SEL1L: variants seen among roughly 807,000 people sequenced by gnomAD.
SEL1L encodes the protein protein sel-1 homolog 1.
A neutral mutation model predicts 109.8 loss-of-function variants in SEL1L; 52 were observed. The ratio of observed to expected loss-of-function variants is 0.47; its 90% confidence interval spans 0.38 to 0.60. SEL1L has a LOEUF of 0.60. Ranked by LOEUF, SEL1L falls within the 20% of genes least tolerant of loss-of-function variation. The pLI, the probability that SEL1L is intolerant of heterozygous loss-of-function variation, is 0.00. For synonymous variants in SEL1L, 373 were observed against 339.6 expected (o/e 1.10, Z -1.08); for missense variants, 749 against 962.2 (o/e 0.78, Z 2.93).
chr14:81,512,314 C>T (rs559583904), intron 3 of SEL1L, among the ~76,000 whole-genome samples: 1 of 152,292 alleles, frequency 6.6e-6, no homozygotes, highest in African/African-American at 2.4e-5. Context: ...AGAACTGTGA[C>T]TAATACAGGA....
intron 8 of SEL1L, 28 bp from the exon 9 acceptor site, chr14:81,498,522 A>T: frequency 6.4e-7 from 1 of 1,551,538 alleles, no homozygotes; most frequent in Non-Finnish European, 8.9e-7. Context: ...GTGAGGAGGC[A>T]GCAGTTTCAT....
At position 81,476,187 on chromosome 14, in the gene SEL1L, T is replaced by A. The variant is rs182488191; in HGVS notation, c.*785A>T. On this transcript the variant is annotated 3_prime_UTR_variant, in exon 21 of 21. Transcript: ENST00000336735. Reference sequence around the variant, plus strand: ...GCTTCTGGATCAAGGCTCTGTATATTCAAAACAAACAAGCAAATTACAGAG... The same window carrying A: ...GCTTCTGGATCAAGGCTCTGTATATACAAAACAAACAAGCAAATTACAGAG... 6.6e-6 allele frequency: 1 copy of A among 152,174 alleles called. No homozygotes were observed. Among genetic ancestry groups the A allele is most frequent in the Non-Finnish European group, 1.5e-5 (1 of 68,042 alleles). 9.4% of individuals were successfully genotyped at this position (152,174 alleles called of 1,614,324 possible). A position where few individuals can be genotyped will look rare whatever the true frequency, so the allele number is the denominator to read the frequency against.
At chr14:81,489,207 C>T in intron 14 of SEL1L, 45 bp downstream of exon 14, 2 of 1,542,466 alleles carry the variant, frequency 1.3e-6, no homozygotes, top group Non-Finnish European at 1.8e-6. Context: ...CCTACCTCTC[C>T]AGCTGACTGC....
At position 81,483,997 on chromosome 14, in the gene SEL1L, G is replaced by A. The variant is rs532693732; in HGVS notation, c.2046+228C>T. Among the ~76,000 whole-genome samples, 11 of 152,334 alleles carry A rather than the reference G, an allele frequency of 7.2e-5. No homozygotes were observed. In the East Asian group the frequency reaches 2.1e-3, roughly 29 times the overall value. On this transcript the variant is annotated intron_variant, in intron 19 of 20. Transcript: ENST00000336735. ...AAGCACTGCACTTCCATTTTCATGAGTCTGTCTTCAGCTTAATCCCTAAAT... is the reference window on the plus strand; with the variant it reads ...AAGCACTGCACTTCCATTTTCATGAATCTGTCTTCAGCTTAATCCCTAAAT...
chr14:81,497,957 T>C lies in SEL1L; in HGVS notation c.1063A>G (p.Met355Val). Reference protein sequence around the residue: ...EVENPGMNSGMLEEDLIQYYQ... With the variant: ...EVENPGMNSGVLEEDLIQYYQ... The stretch of plus-strand genomic sequence containing the variant: ...TATTGAATCAAATCTTCTTCTAGCA[T>C]TCCACTGTTCATTCCTGGATTTTCC... The change falls in exon 10 of 21, where the codon ATG becomes GTG. Residue 355 changes from methionine (M) to valine (V), a missense_variant. Physicochemically the swap from Met to Val is conservative, Grantham distance 21. This residue lies in a region of SEL1L where 383 missense variants were observed against 562.5 expected (regional missense o/e 0.68). Transcript: ENST00000336735. 6.2e-7 allele frequency: 1 copy of C among 1,614,060 alleles called. No homozygotes were observed. Among genetic ancestry groups the C allele is most frequent in the Non-Finnish European group, 8.5e-7 (1 of 1,179,904 alleles).
intron 3 of SEL1L, among the ~76,000 whole-genome samples, chr14:81,507,601 A>T (rs914607002): frequency 7.6e-6 from 1 of 130,772 alleles, no homozygotes; most frequent in African/African-American, 4.5e-5. Context: ...AAACCCACAC[A>T]AAAAAAACAG....
intron 6 of SEL1L, among the ~76,000 whole-genome samples, chr14:81,499,902 G>C (rs1338871874): frequency 7.0e-6 from 1 of 142,616 alleles, no homozygotes; most frequent in Non-Finnish European, 1.5e-5. Context: ...TTTATTTGTG[G>C]CTTTTTTTTT....
At chr14:81,525,519 C>A (rs1885078319) in intron 3 of SEL1L, among the ~76,000 whole-genome samples, 2 of 148,592 alleles carry the variant, frequency 1.3e-5, no homozygotes, top group Non-Finnish European at 3.0e-5. Flanking sequence ...GGGTGAGGTA[C>A]AGGGAAAGAG....
chr14:81,499,903 CTTTTT>C (rs67769195), intron 6 of SEL1L, among the ~76,000 whole-genome samples: 1 of 119,202 alleles, frequency 8.4e-6, no homozygotes, highest in Non-Finnish European at 1.8e-5. Context: ...TTATTTGTGG[CTTTTT>C]TTTTTTTTTT....
At chr14:81,520,818 ATATCACATACACTATG>A (rs1884877952) in intron 3 of SEL1L, among the ~76,000 whole-genome samples, 1 of 152,200 alleles carries the variant, frequency 6.6e-6, no homozygotes, top group Non-Finnish European at 1.5e-5. Flanking sequence ...TCTCTAGAAA[ATATCACATACACTATG>A]TAATTATCAA....
intron 10 of SEL1L, among the ~76,000 whole-genome samples, chr14:81,496,893 G>T (rs375263344): frequency 8.1e-4 from 123 of 152,258 alleles, no homozygotes; most frequent in African/African-American, 2.9e-3. Flanking sequence ...TCCTGGAAAT[G>T]GTAAAAGTGC....
chr14:81,487,049 C>G (rs980153027), intron 16 of SEL1L, among the ~76,000 whole-genome samples: 1 of 151,340 alleles, frequency 6.6e-6, no homozygotes, highest in Non-Finnish European at 1.5e-5. Context: ...AAGCCTTCAT[C>G]CACCTCAACC....
chr14:81,506,624 T>G lies in SEL1L; in HGVS notation c.341-383A>C, dbSNP rs1232989440. On this transcript the variant is annotated intron_variant, in intron 3 of 20. Coordinates refer to ENST00000336735, the MANE Select transcript of SEL1L (RefSeq NM_005065.6). ...TTCTGAATGCTGTAAGTCAATTTCT[T>G]CAGTAATACAGAGTTACAAAGGGCA... Among the ~76,000 whole-genome samples, 8 of 152,298 alleles carry G rather than the reference T, an allele frequency of 5.3e-5. No homozygotes were observed. The East Asian group carries it at 1.2e-3, about 22-fold the overall frequency.
chr14:81,499,434 T>C, intron 8 of SEL1L, 25 bp downstream of exon 8: 3 of 1,599,332 alleles, frequency 1.9e-6, no homozygotes, highest in Non-Finnish European at 2.5e-6. Context: ...TTAATATTAT[T>C]AGCCTTCCAC....
In SEL1L at chr14:81,497,926, T is replaced by C. The variant is rs1883836078; in HGVS notation, c.1094A>G (p.Gln365Arg). The stretch of plus-strand genomic sequence containing the variant: ...TACATCACCTTTTTCAGCTAGGAAC[T>C]GGTAATATTGAATCAAATCTTCTTC... ...MLEEDLIQYY[Q>R]FLAEKGDVQA... Residue 365 changes from glutamine to arginine, a missense_variant, in exon 10 of 21, where the codon CAG (glutamine) becomes CGG (arginine). By Grantham distance (43) the Gln-to-Arg change is conservative. Around this residue, in one of 2 missense-constraint regions of SEL1L, gnomAD observed 383 missense variants for 562.5 expected, o/e 0.68. Transcript: ENST00000336735. 1 of 1,613,938 alleles carries C rather than the reference T, an allele frequency of 6.2e-7. No individual in the cohort carries two copies. The highest frequency in any genetic ancestry group is 8.5e-7 in the Non-Finnish European group (1 of 1,179,928).
At chr14:81,512,336 G>A (rs942151299) in intron 3 of SEL1L, among the ~76,000 whole-genome samples, 10 of 152,170 alleles carry the variant, frequency 6.6e-5, no homozygotes, top group Non-Finnish European at 1.0e-4. Flanking sequence ...CATACTAACT[G>A]AACTACTTTT....
chr14:81,492,605 T>G (rs1883588843), intron 11 of SEL1L, 57 bp from the exon 12 acceptor site: 1 of 1,153,170 alleles, frequency 8.7e-7, no homozygotes, highest in African/African-American at 1.6e-5. Context: ...GCTTTTGACT[T>G]TCAGCCAAAA....
chr14:81,499,317 A>G, intron 8 of SEL1L, 142 bp downstream of exon 8: 1 of 1,411,174 alleles, frequency 7.1e-7, no homozygotes, highest in Non-Finnish European at 9.2e-7. Context: ...ATCCATTAAC[A>G]AGAATTTGAA....
At chr14:81,512,477 G>C (rs1001324306) in intron 3 of SEL1L, among the ~76,000 whole-genome samples, 1 of 152,184 alleles carries the variant, frequency 6.6e-6, no homozygotes, top group African/African-American at 2.4e-5. Context: ...AGTGTCTTCT[G>C]AAAATGCTTC....
Sources: gnomAD v4.1 joint callset for allele counts (sites outside exome capture counted in the v4.1 genomes callset) on GRCh38, gnomAD v4.1.1 for gene constraint, gnomAD v4.1.1 regional missense constraint, MANE v1.5 for transcripts, NCBI Gene and HGNC (gene_info 2026-07-23, HGNC 2026-07-21) for gene names.